The following SCFD2 variants were observed in gnomAD, a reference collection of about 807,000 sequenced individuals.
The protein encoded by SCFD2 is sec1 family domain-containing protein 2.
A neutral mutation model predicts 58.9 loss-of-function variants in SCFD2; 54 were observed. That is an observed-to-expected ratio of 0.92 (90% CI 0.74 to 1.15). The LOEUF (loss-of-function observed/expected upper bound fraction) is 1.15, where lower values mean the gene tolerates loss of function less well. SCFD2 is among the 50% of genes most tolerant of loss of function. The pLI is 0.00. For synonymous variants in SCFD2, 321 were observed against 335.9 expected (o/e 0.96, Z 0.49); for missense variants, 805 against 836.6 (o/e 0.96, Z 0.47).
chr4:53,002,890 A>G (rs1035395791), intron 5 of SCFD2, among the ~76,000 whole-genome samples: 1 of 152,226 alleles, frequency 6.6e-6, no homozygotes, highest in Non-Finnish European at 1.5e-5. Context: ...GCTTTTACTC[A>G]TGGCGGAAGG....
chr4:53,252,099 C>T (rs1366654493), intron 4 of SCFD2, among the ~76,000 whole-genome samples: 5 of 149,168 alleles, frequency 3.4e-5, no homozygotes, highest in African/African-American at 1.2e-4. Context: ...AACAGACAAA[C>T]AGAGAGCCAA....
At chr4:53,196,166 G>GC (rs1228285689) in intron 4 of SCFD2, among the ~76,000 whole-genome samples, 1 of 151,952 alleles carries the variant, frequency 6.6e-6, no homozygotes, top group African/African-American at 2.4e-5. Flanking sequence ...TTCTCCTTTG[G>GC]CACAGAGTCT....
intron 5 of SCFD2, among the ~76,000 whole-genome samples, chr4:53,137,348 C>G (rs79108826): frequency 6.6e-6 from 1 of 152,228 alleles, no homozygotes; most frequent in Non-Finnish European, 1.5e-5. Flanking sequence ...AAGCATCCAG[C>G]GCATGACCAT....
chr4:53,184,633 A>G (rs1418081183), intron 4 of SCFD2, among the ~76,000 whole-genome samples: 1 of 152,126 alleles, frequency 6.6e-6, no homozygotes, highest in African/African-American at 2.4e-5. Flanking sequence ...TTTAACTAAT[A>G]TCTACTCTGT....
At chr4:53,166,918 G>T (rs1015145479) in intron 4 of SCFD2, among the ~76,000 whole-genome samples, 2 of 152,014 alleles carry the variant, frequency 1.3e-5, no homozygotes, top group African/African-American at 4.8e-5. Context: ...TAGCATTTGG[G>T]AATAAGAGGA....
intron 2 of SCFD2, among the ~76,000 whole-genome samples, chr4:53,342,936 A>T (rs1166335253): frequency 6.6e-6 from 1 of 152,224 alleles, no homozygotes; most frequent in Non-Finnish European, 1.5e-5. Context: ...ACATACCAGA[A>T]TCTCTGGGAC....
At chr4:52,968,855 A>G (rs1260623860) in intron 5 of SCFD2, among the ~76,000 whole-genome samples, 1 of 152,180 alleles carries the variant, frequency 6.6e-6, no homozygotes, top group Non-Finnish European at 1.5e-5. Flanking sequence ...ACATTCAAAT[A>G]TATGACAAAG....
chr4:53,280,248 G>T (rs4864742), intron 3 of SCFD2, among the ~76,000 whole-genome samples: 71,661 of 151,934 alleles, frequency 0.47, 18,072 homozygotes, highest in Admixed American at 0.55. Flanking sequence ...AGGCACGGTG[G>T]CTCACGCCTG....
intron 4 of SCFD2, among the ~76,000 whole-genome samples, chr4:53,162,428 TA>T (rs1411564999): frequency 6.6e-6 from 1 of 152,090 alleles, no homozygotes; most frequent in Admixed American, 6.5e-5. Flanking sequence ...AAATGGCCAG[TA>T]AAAAAGGCCA....
At chr4:53,030,548 G>A (rs566833337) in intron 5 of SCFD2, among the ~76,000 whole-genome samples, 8 of 151,952 alleles carry the variant, frequency 5.3e-5, no homozygotes, top group South Asian at 4.2e-4. Context: ...TCAGCCTCCC[G>A]GGTACCTGCG....
intron 7 of SCFD2, among the ~76,000 whole-genome samples, chr4:52,897,362 G>A (rs541029952): frequency 3.3e-5 from 5 of 152,278 alleles, no homozygotes; most frequent in African/African-American, 1.2e-4. Flanking sequence ...AGCTTTTAGT[G>A]TGAAGTGTTG....
chr4:53,115,485 A>T (rs1470405148), intron 5 of SCFD2, among the ~76,000 whole-genome samples: 1 of 152,160 alleles, frequency 6.6e-6, no homozygotes, highest in Admixed American at 6.6e-5. Flanking sequence ...GAATTAATGA[A>T]TGTCAGTGAG....
chr4:52,945,262 C>T (rs1048177576), intron 5 of SCFD2, among the ~76,000 whole-genome samples: 1 of 152,098 alleles, frequency 6.6e-6, no homozygotes, highest in Non-Finnish European at 1.5e-5. Flanking sequence ...GTTTAAATTT[C>T]ATTCGAGATC....
intron 5 of SCFD2, among the ~76,000 whole-genome samples, chr4:53,007,682 G>A (rs1359856886): frequency 2.0e-5 from 3 of 152,300 alleles, no homozygotes; most frequent in South Asian, 2.1e-4. Context: ...AACAGCACCT[G>A]GAAGTACTCT....
At chr4:52,879,005 G>A (rs1212956206) in intron 8 of SCFD2, among the ~76,000 whole-genome samples, 1 of 151,874 alleles carries the variant, frequency 6.6e-6, no homozygotes, top group African/African-American at 2.4e-5. Context: ...CTTTCCTCCT[G>A]TTCCTTTTTG....
intron 5 of SCFD2, among the ~76,000 whole-genome samples, chr4:52,936,888 T>C (rs1248650870): frequency 6.6e-6 from 1 of 152,250 alleles, no homozygotes; most frequent in African/African-American, 2.4e-5. Context: ...AATCAACTCA[T>C]GTATTTATTA....
At chr4:53,143,447 G>T (rs892627413) in intron 5 of SCFD2, among the ~76,000 whole-genome samples, 1 of 152,170 alleles carries the variant, frequency 6.6e-6, no homozygotes, top group Non-Finnish European at 1.5e-5. Flanking sequence ...ATCACATATA[G>T]TGTTATACTT....
At chr4:53,273,672 C>A (rs1731241622) in intron 4 of SCFD2, 154 bp downstream of exon 4, 1 of 665,908 alleles carries the variant, frequency 1.5e-6, no homozygotes, top group East Asian at 3.2e-5. Flanking sequence ...AAAGTTTCTA[C>A]TTGAATTTTA....
chr4:53,238,420 C>G (rs1414463253), intron 4 of SCFD2, among the ~76,000 whole-genome samples: 7 of 141,746 alleles, frequency 4.9e-5, no homozygotes, highest in African/African-American at 1.9e-4. Context: ...CCCTACCTCC[C>G]TCCCGGATGG....
Sources: gnomAD v4.1 joint callset for allele counts (sites outside exome capture counted in the v4.1 genomes callset) on GRCh38, gnomAD v4.1.1 for gene constraint, MANE v1.5 for transcripts, NCBI Gene and HGNC (gene_info 2026-07-23, HGNC 2026-07-21) for gene names.